The following NEIL1 variants were observed in gnomAD, a reference collection of about 807,000 sequenced individuals.
NEIL1 encodes nei like DNA glycosylase 1.
In NEIL1, 31 loss-of-function variants were observed where a neutral mutation model predicts 44.2. The ratio of observed to expected loss-of-function variants is 0.70; its 90% CI spans 0.53 to 0.95. The LOEUF (loss-of-function observed/expected upper bound fraction) is 0.95. Ranked by LOEUF, NEIL1 falls within the 40% of genes least tolerant of loss-of-function variation. NEIL1 has a pLI of 0.00. For synonymous variants in NEIL1, 254 were observed against 209.7 expected, an observed-to-expected ratio of 1.21 and a Z score of -1.83; for missense variants, 549 against 515.5, an observed-to-expected ratio of 1.07 and a Z score of -0.63.
At position 75,355,676 on chromosome 15, in the gene NEIL1, C is replaced by T; in HGVS notation, c.*642C>T. On this transcript the variant is annotated 3_prime_UTR_variant, in exon 10 of 10. Transcript: ENST00000355059. ...GGCTGCAACCCAGACCCTGCACGCA[C>T]AGGTACCTTAGGATCTTGCCCCTAC... 1 of 532,610 alleles carries T rather than the reference C, an allele frequency of 1.9e-6. No individual in the cohort carries two copies. The highest frequency in any genetic ancestry group is 3.3e-6 in the Non-Finnish European group (1 of 298,630). The allele number at this position is 532,610 out of a possible 1,614,324, so 33.0% of individuals were successfully genotyped here.
chr15:75,354,926 G>A (rs1397177982), intron 9 of NEIL1, 38 bp from the exon 10 acceptor site: 2 of 1,612,976 alleles, frequency 1.2e-6, no homozygotes, highest in South Asian at 2.2e-5. Context: ...GGCAGCCCCT[G>A]GAGTCTTAGC....
Position 75,354,383 on chromosome 15 carries a change from C to T in NEIL1, c.875-48C>T, listed in dbSNP as rs1455508704. 9 of 1,611,830 alleles carry T rather than the reference C, an allele frequency of 5.6e-6. No individual in the cohort carries two copies. In the Admixed American group the frequency reaches 6.7e-5, roughly 12 times the overall value. ...TATCCCCCTGCAACCCTGGGAGTCA[C>T]CCCTGGGCAGGATAGGACCCTCCAA... On this transcript the variant is annotated intron_variant, in intron 7 of 9. Coordinates refer to ENST00000355059, the MANE Select transcript of NEIL1 (RefSeq NM_024608.4).
intron 2 of NEIL1, among the ~76,000 whole-genome samples, chr15:75,350,227 A>G (rs527467599): frequency 6.6e-6 from 1 of 152,320 alleles, no homozygotes; most frequent in South Asian, 2.1e-4. Flanking sequence ...TCCTCTGAAG[A>G]GGAAACGTGT....
At chr15:75,348,560 G>A in intron 1 of NEIL1, 1 of 1,199,086 alleles carries the variant, frequency 8.3e-7, no homozygotes, top group Non-Finnish European at 1.0e-6. Flanking sequence ...TGAGTGAGGG[G>A]AGCCGGGAAG....
At chr15:75,348,026 G>A (rs962055359) in intron 1 of NEIL1, 15 of 1,162,304 alleles carry the variant, frequency 1.3e-5, no homozygotes, top group Admixed American at 2.9e-5. Context: ...GGAGGGCGGA[G>A]GTGAGGAGTC....
At position 75,354,980 on chromosome 15, in the gene NEIL1, G is replaced by A; in HGVS notation, c.1119G>A (p.Arg373=). ...RQAASGHCRP[R]KVKADIPSLE... ...TTCCCCCAGGCCACTGCAGACCCCG[G>A]AAGGTCAAGGCTGACATCCCATCCT... Residue 373 remains arginine (R), a synonymous_variant, in exon 10 of 10, where the codon CGG becomes CGA. Coordinates refer to ENST00000355059, the MANE Select transcript of NEIL1 (RefSeq NM_024608.4). 6 of 1,614,116 alleles carry A rather than the reference G, an allele frequency of 3.7e-6. No homozygotes were observed. The highest frequency in any genetic ancestry group is 5.1e-6 in the Non-Finnish European group (6 of 1,179,990).
At chr15:75,348,299 C>T (rs1165043415) in intron 1 of NEIL1, 6 of 985,022 alleles carry the variant, frequency 6.1e-6, no homozygotes, top group African/African-American at 1.7e-5. Context: ...CCGCCGCTCC[C>T]CCGCGCCAGG....
intron 1 of NEIL1, 193 bp downstream of exon 1, chr15:75,347,666 G>C: frequency 3.2e-6 from 1 of 315,468 alleles, no homozygotes; most frequent in Non-Finnish European, 4.7e-6. Flanking sequence ...GCGGGTTCCC[G>C]GGGAGGGGGC....
In NEIL1 at chr15:75,348,376, G is replaced by C. The variant is rs539154758; in HGVS notation, c.-22-508G>C. ...AGGCGGGTCCTAAGTGTGGGGGGAG[G>C]GGGGCGCAGGGAGGGGCGGCCACGC... On this transcript the variant is annotated intron_variant, in intron 1 of 9. Coordinates refer to ENST00000355059, the MANE Select transcript of NEIL1 (RefSeq NM_024608.4). The C allele has an allele frequency of 1.3e-4, 126 of 989,566 alleles. 1 individual carries two copies. The South Asian group carries it at 5.1e-3, about 40-fold the overall frequency. The allele number at this position is 989,566 out of a possible 1,614,324, so 61.3% of individuals were successfully genotyped here.
Position 75,355,955 on chromosome 15 carries a change from G to C in NEIL1, c.*921G>C. ...GAGCAACAGGGACAGCACTTGGAAG[G>C]GAGAAAAGGTGAGCTTCAGGCGGTT... On this transcript the variant is annotated 3_prime_UTR_variant, in exon 10 of 10. Transcript: ENST00000355059. 1 of 1,614,220 alleles carries C rather than the reference G, an allele frequency of 6.2e-7. No individual in the cohort carries two copies. Among genetic ancestry groups the C allele is most frequent in the East Asian group, 2.2e-5 (1 of 44,888 alleles).
Position 75,353,875 on chromosome 15 carries a change from C to G in NEIL1, c.846+9C>G. The G allele has an allele frequency of 1.2e-6, 2 of 1,612,216 alleles. No individual in the cohort carries two copies. The highest frequency in any genetic ancestry group is 2.2e-5 in the South Asian group (2 of 90,930). On this transcript the variant is annotated intron_variant, in intron 6 of 9. Transcript: ENST00000355059. Reference sequence around the variant, plus strand: ...GTACCATCTGGTTCCAGGTTGGGCCCTACTGTTCACACAGGCAGAGACCCC... The same window carrying G: ...GTACCATCTGGTTCCAGGTTGGGCCGTACTGTTCACACAGGCAGAGACCCC...
chr15:75,348,794 C>T (rs1478736820), intron 1 of NEIL1, 90 bp from the exon 2 acceptor site: 2 of 1,514,254 alleles, frequency 1.3e-6, no homozygotes, highest in African/African-American at 1.4e-5. Flanking sequence ...GCCCATCTGA[C>T]CCTCCGAGTT....
chr15:75,348,456 C>G, intron 1 of NEIL1: 1 of 1,023,822 alleles, frequency 9.8e-7, no homozygotes, highest in South Asian at 3.8e-5. Flanking sequence ...ACAGCGTGTG[C>G]GGAGGGGGTG....
Position 75,349,290 on chromosome 15 carries a change from TGGCAGCCGGGCCGCG to T in NEIL1, c.389_403del (p.Gln130_Gly134del). On this transcript the variant is annotated inframe_deletion, in exon 2 of 10. Transcript: ENST00000355059. ...CGGCCGCTGGGACCTTGGGGGAAAG[TGGCAGCCGGGCCGCG>T]GGCCCTGTGTCTTGCAGGAGTACCA... 1 of 1,611,156 alleles carries T rather than the reference TGGCAGCCGGGCCGCG, an allele frequency of 6.2e-7. No homozygotes were observed. Among genetic ancestry groups the T allele is most frequent in the South Asian group, 1.1e-5 (1 of 90,964 alleles).
At chr15:75,352,499 G>A in intron 4 of NEIL1, 103 bp from the exon 5 acceptor site, 4 of 1,546,036 alleles carry the variant, frequency 2.6e-6, no homozygotes, top group Non-Finnish European at 3.5e-6. Flanking sequence ...ACAGGGGTGG[G>A]GAGGGGATGA....
rs1555433832 is a variant in NEIL1, at chr15:75,356,158, T to TGGCTGCC, written c.*1126_*1132dup. 10 of 1,613,464 alleles carry TGGCTGCC rather than the reference T, an allele frequency of 6.2e-6. No individual in the cohort carries two copies. Among genetic ancestry groups the TGGCTGCC allele is most frequent in the African/African-American group, 1.3e-5 (1 of 74,922 alleles). ...CGACAAGTGCAGCCAGCAGTCCACGTGGCTGCCGTGGGCCTCATACAGCCT... is the reference window on the plus strand; with the variant it reads ...CGACAAGTGCAGCCAGCAGTCCACGTGGCTGCCGGCTGCCGTGGGCCTCATACAGCCT... On this transcript the variant is annotated 3_prime_UTR_variant, in exon 10 of 10. Coordinates refer to ENST00000355059, the MANE Select transcript of NEIL1 (RefSeq NM_024608.4). The surrounding 1 kb of genome is among the most constrained non-coding windows in gnomAD (Gnocchi z 5.8).
intron 6 of NEIL1, 57 bp downstream of exon 6, chr15:75,353,923 T>C (rs2072135424): frequency 6.2e-7 from 1 of 1,603,794 alleles, no homozygotes; most frequent in Admixed American, 1.7e-5. Context: ...GGTGGAAACG[T>C]GGGGTCACAA....
rs747296117 is a variant in NEIL1 at position 75,353,821 on chromosome 15, C to A, written c.801C>A (p.Gly267=). 1 of 1,613,794 alleles carries A rather than the reference C, an allele frequency of 6.2e-7. No individual in the cohort carries two copies. The highest frequency in any genetic ancestry group is 1.7e-5 in the Admixed American group (1 of 60,030). ...GGCTGCGCTGCTATGGCATGCCAGGCATGAGCTCCCTGCAGGACCGGCATG... is the reference window on the plus strand; with the variant it reads ...GGCTGCGCTGCTATGGCATGCCAGGAATGAGCTCCCTGCAGGACCGGCATG... ...RAWLRCYGMP[G]MSSLQDRHGR... The change falls in exon 6 of 10, where the codon GGC becomes GGA. Residue 267 remains glycine (G), a synonymous_variant. Coordinates refer to ENST00000355059, the MANE Select transcript of NEIL1 (RefSeq NM_024608.4).
Position 75,355,325 on chromosome 15 carries a change from C to T in NEIL1, c.*291C>T. The T allele has an allele frequency of 2.6e-6, 1 of 383,962 alleles. No individual in the cohort carries two copies. The highest frequency in any genetic ancestry group is 4.8e-6 in the Non-Finnish European group (1 of 209,228). 23.8% of individuals were successfully genotyped at this position (383,962 alleles called of 1,614,324 possible). Reference sequence around the variant, plus strand: ...GGTCCTGGTGACAGAAGGCCCAGCTCCTCACAAGGCAAACTGAGCCCCCAT... The same window carrying T: ...GGTCCTGGTGACAGAAGGCCCAGCTTCTCACAAGGCAAACTGAGCCCCCAT... On this transcript the variant is annotated 3_prime_UTR_variant, in exon 10 of 10. Transcript: ENST00000355059.
Sources: gnomAD v4.1 joint callset for allele counts (sites outside exome capture counted in the v4.1 genomes callset) on GRCh38, gnomAD v4.1.1 for gene constraint, Gnocchi (gnomAD v3.1) non-coding constraint, MANE v1.5 for transcripts, NCBI Gene and HGNC (gene_info 2026-07-23, HGNC 2026-07-21) for gene names.